The following MAML3 variants were observed in gnomAD, a reference collection of about 807,000 sequenced individuals.
The protein encoded by MAML3 is mastermind like transcriptional coactivator 3.
In MAML3, 27 loss-of-function variants were observed where a neutral mutation model predicts 101.9. The ratio of observed to expected loss-of-function variants is 0.27; its 90% CI spans 0.20 to 0.37. The LOEUF (loss-of-function observed/expected upper bound fraction) is 0.37, where lower values mean the gene tolerates loss of function less well. Among genes scored for constraint, MAML3 ranks in the 10% least tolerant of loss-of-function variants. The pLI, the probability that MAML3 is intolerant of heterozygous loss-of-function variation, is 1.00. For missense variants in MAML3, 1,316 were observed against 1,444.9 expected (o/e 0.91, Z 1.45); for synonymous variants, 501 against 555.9 (o/e 0.90, Z 1.39).
At chr4:140,110,763 C>T (rs989298426) in intron 1 of MAML3, among the ~76,000 whole-genome samples, 2 of 152,202 alleles carry the variant, frequency 1.3e-5, no homozygotes, top group East Asian at 3.9e-4. Flanking sequence ...AAGACTGCTC[C>T]ACCCTTCTTG....
intron 2 of MAML3, among the ~76,000 whole-genome samples, chr4:139,736,233 T>C (rs1728940665): frequency 6.6e-6 from 1 of 152,188 alleles, no homozygotes; most frequent in African/African-American, 2.4e-5. Context: ...TATCAAAAGA[T>C]AGCTACATCC....
chr4:139,789,742 C>G (rs554914705), intron 2 of MAML3, among the ~76,000 whole-genome samples: 3 of 152,132 alleles, frequency 2.0e-5, no homozygotes, highest in African/African-American at 7.2e-5. Context: ...TTAAACAGAA[C>G]AGTTAGAAAG....
chr4:139,930,131 AG>A (rs1733352078), intron 1 of MAML3, among the ~76,000 whole-genome samples: 1 of 152,256 alleles, frequency 6.6e-6, no homozygotes, highest in South Asian at 2.1e-4. Flanking sequence ...ACAGAATTAT[AG>A]ATAATTTTCA....
chr4:139,882,167 T>C (rs932154740), intron 2 of MAML3, among the ~76,000 whole-genome samples: 2 of 151,000 alleles, frequency 1.3e-5, no homozygotes, highest in African/African-American at 2.4e-5. Context: ...ACATGAAAAA[T>C]AGAAAAGATA....
At chr4:140,088,760 G>C (rs1231973576) in intron 1 of MAML3, among the ~76,000 whole-genome samples, 1 of 152,044 alleles carries the variant, frequency 6.6e-6, no homozygotes, top group Non-Finnish European at 1.5e-5. Context: ...GCTTATCATA[G>C]TGCTTAGCAA....
intron 1 of MAML3, among the ~76,000 whole-genome samples, chr4:139,980,667 C>T (rs953490440): frequency 6.6e-6 from 1 of 152,160 alleles, no homozygotes; most frequent in African/African-American, 2.4e-5. Context: ...CAACAAATAT[C>T]CACTGAGTGT....
chr4:140,014,872 G>A (rs1726617885), intron 1 of MAML3, among the ~76,000 whole-genome samples: 1 of 152,310 alleles, frequency 6.6e-6, no homozygotes, highest in South Asian at 2.1e-4. Flanking sequence ...ATGTGTATAG[G>A]AAGAATGGAA....
intron 2 of MAML3, among the ~76,000 whole-genome samples, chr4:139,786,253 T>A (rs1730301862): frequency 6.6e-6 from 1 of 151,932 alleles, no homozygotes; most frequent in African/African-American, 2.4e-5. Context: ...GTCTGTTGTT[T>A]AAGTTACTCA....
chr4:139,845,358 G>T (rs942847480), intron 2 of MAML3, among the ~76,000 whole-genome samples: 5 of 152,148 alleles, frequency 3.3e-5, no homozygotes, highest in African/African-American at 1.2e-4. Context: ...AAATAGAAGA[G>T]GGCTTCTTTA....
chr4:139,987,688 C>T (rs548241515), intron 1 of MAML3, among the ~76,000 whole-genome samples: 1 of 152,150 alleles, frequency 6.6e-6, no homozygotes, highest in South Asian at 2.1e-4. Flanking sequence ...GTGCACCTTC[C>T]CGCCTGGCCA....
intron 1 of MAML3, among the ~76,000 whole-genome samples, chr4:139,923,616 C>T (rs1354667712): frequency 8.3e-6 from 1 of 120,322 alleles, no homozygotes; most frequent in Non-Finnish European, 1.7e-5. Flanking sequence ...AAGGGGTAGT[C>T]TTTGTGTGTG....
intron 2 of MAML3, among the ~76,000 whole-genome samples, chr4:139,744,223 G>C (rs1326761717): frequency 1.3e-5 from 2 of 152,222 alleles, no homozygotes; most frequent in Non-Finnish European, 2.9e-5. Context: ...GAGGTTCAGG[G>C]ATCTGGTTTG....
chr4:139,994,771 G>C lies in MAML3; in HGVS notation c.469-103804C>G, dbSNP rs188954486. ...TTATTAGTTTTAATTGGTGGTGGTG[G>C]TGGTGCTGGTGGGGGGTGTGTGTGT... On this transcript the variant is annotated intron_variant, in intron 1 of 4. Transcript: ENST00000509479. Among the ~76,000 whole-genome samples, 232 of 144,876 alleles carry C rather than the reference G, an allele frequency of 1.6e-3. 1 individual carries two copies. The highest frequency in any genetic ancestry group is 2.4e-3 in the Non-Finnish European group (163 of 66,580).
intron 2 of MAML3, among the ~76,000 whole-genome samples, chr4:139,769,557 T>C (rs1578591898): frequency 6.6e-6 from 1 of 152,070 alleles, no homozygotes; most frequent in African/African-American, 2.4e-5. Context: ...CATGTAAATA[T>C]GACACTTATG....
intron 2 of MAML3, among the ~76,000 whole-genome samples, chr4:139,813,398 A>G (rs55919652): frequency 0.06 from 9,077 of 152,294 alleles, 417 homozygotes; most frequent in Non-Finnish European, 0.083. Context: ...GTGAAATTTC[A>G]GAAAGCTAAA....
At chr4:139,863,520 T>C (rs1296107589) in intron 2 of MAML3, among the ~76,000 whole-genome samples, 1 of 151,966 alleles carries the variant, frequency 6.6e-6, no homozygotes, top group Non-Finnish European at 1.5e-5. Context: ...TTGGCAAATT[T>C]TGTATTTTTG....
chr4:139,946,620 A>G (rs575297593), intron 1 of MAML3, among the ~76,000 whole-genome samples: 1 of 152,320 alleles, frequency 6.6e-6, no homozygotes, highest in East Asian at 1.9e-4. Flanking sequence ...TTTTATCTCC[A>G]GAAGAATAAT....
intron 2 of MAML3, among the ~76,000 whole-genome samples, chr4:139,838,746 C>T (rs1210136358): frequency 6.6e-6 from 1 of 152,090 alleles, no homozygotes; most frequent in Non-Finnish European, 1.5e-5. Context: ...TGTTCTATTT[C>T]CTTTCATCCT....
chr4:139,930,326 A>G (rs1314617249), intron 1 of MAML3, among the ~76,000 whole-genome samples: 1 of 152,160 alleles, frequency 6.6e-6, no homozygotes, highest in African/African-American at 2.4e-5. Context: ...TTCCAGGCAG[A>G]GTTTGTGAGC....
Sources: allele counts gnomAD v4.1 joint callset (sites outside exome capture counted in the v4.1 genomes callset), GRCh38; gene constraint gnomAD v4.1.1; transcripts MANE v1.5; gene names NCBI Gene and HGNC (gene_info 2026-07-23, HGNC 2026-07-21).